The following SNTG1 variants were observed in gnomAD, a reference collection of about 807,000 sequenced individuals.
The protein encoded by SNTG1 is syntrophin gamma 1, also known as gamma-1-syntrophin.
In SNTG1, 39 loss-of-function variants were observed where a neutral mutation model predicts 74.7. The observed-to-expected ratio is 0.52, with a 90% CI of 0.40 to 0.68. The LOEUF is 0.68. Ranked by LOEUF, SNTG1 falls within the 30% of genes least tolerant of loss-of-function variation. SNTG1 has a pLI of 0.00. For missense variants in SNTG1, 685 were observed against 609.5 expected (o/e 1.12, Z -1.30); for synonymous variants, 254 against 217.1 (o/e 1.17, Z -1.49).
At chr8:50,019,889 C>G (rs1210690926) in intron 1 of SNTG1, among the ~76,000 whole-genome samples, 2 of 152,042 alleles carry the variant, frequency 1.3e-5, no homozygotes, top group Non-Finnish European at 2.9e-5. Context: ...TAAGAGTGTC[C>G]TCTAAACAGA....
intron 1 of SNTG1, among the ~76,000 whole-genome samples, chr8:50,057,443 A>G (rs13261225): frequency 6.6e-6 from 1 of 151,788 alleles, no homozygotes; most frequent in Non-Finnish European, 1.5e-5. Flanking sequence ...CATCTTTCTA[A>G]CTTTATTTGA....
chr8:50,737,164 G>C (rs149343038), intron 17 of SNTG1, among the ~76,000 whole-genome samples: 24 of 151,002 alleles, frequency 1.6e-4, no homozygotes, highest in African/African-American at 5.3e-4. Context: ...ACCACTAGCC[G>C]GACTAATAAA....
At chr8:50,724,968 G>A (rs770996013) in intron 17 of SNTG1, among the ~76,000 whole-genome samples, 29 of 152,072 alleles carry the variant, frequency 1.9e-4, no homozygotes, top group Non-Finnish European at 3.4e-4. Flanking sequence ...AGCATTAATA[G>A]AAAGAAGACA....
At chr8:49,941,506 A>C (rs1008814926) in intron 1 of SNTG1, among the ~76,000 whole-genome samples, 7 of 147,994 alleles carry the variant, frequency 4.7e-5, no homozygotes, top group Non-Finnish European at 1.0e-4. Flanking sequence ...ATTTATATTT[A>C]TATATTATAT....
At chr8:50,716,738 T>TC in intron 17 of SNTG1, among the ~76,000 whole-genome samples, 1 of 151,638 alleles carries the variant, frequency 6.6e-6, no homozygotes, top group African/African-American at 2.4e-5. Context: ...TTATTCTTTT[T>TC]TTTTTTCTTT....
intron 12 of SNTG1, among the ~76,000 whole-genome samples, chr8:50,555,846 A>G (rs1424869493): frequency 1.3e-5 from 2 of 152,182 alleles, no homozygotes; most frequent in African/African-American, 4.8e-5. Context: ...CTTTTTAATG[A>G]TGAATCACAT....
chr8:50,152,090 G>A (rs568556253), intron 1 of SNTG1, among the ~76,000 whole-genome samples: 1 of 152,272 alleles, frequency 6.6e-6, no homozygotes, highest in African/African-American at 2.4e-5. Context: ...GAAACTGGGT[G>A]CTCCTGTATT....
intron 1 of SNTG1, among the ~76,000 whole-genome samples, chr8:50,152,134 C>T (rs547423617): frequency 1.3e-5 from 2 of 152,088 alleles, no homozygotes; most frequent in East Asian, 1.9e-4. Context: ...CTCTTCTTGT[C>T]GAATTTCTCC....
intron 2 of SNTG1, among the ~76,000 whole-genome samples, chr8:50,264,972 G>C (rs1338973330): frequency 6.6e-6 from 1 of 152,018 alleles, no homozygotes; most frequent in East Asian, 1.9e-4. Context: ...ATAATAAAGA[G>C]TTGAACCAAT....
chr8:50,468,489 A>G (rs945036684), intron 8 of SNTG1, among the ~76,000 whole-genome samples: 11 of 152,232 alleles, frequency 7.2e-5, no homozygotes, highest in African/African-American at 2.4e-4. Context: ...TTAGCAAAGT[A>G]TATTTTTCTC....
chr8:50,376,756 T>TATATATAGAGAGAGAG (rs1381048539), intron 2 of SNTG1, among the ~76,000 whole-genome samples: 940 of 89,750 alleles, frequency 0.01, 7 homozygotes, highest in Non-Finnish European at 0.016. Flanking sequence ...TATATATATA[T>TATATATAGAGAGAGAG]AGAGAGAGAG....
At chr8:50,770,500 T>A (rs990091357) in intron 18 of SNTG1, among the ~76,000 whole-genome samples, 1 of 152,024 alleles carries the variant, frequency 6.6e-6, no homozygotes. Context: ...ACCCAGCACC[T>A]CAGAACCCAC....
chr8:49,934,320 T>TATC (rs1807862443), intron 1 of SNTG1, among the ~76,000 whole-genome samples: 1 of 150,884 alleles, frequency 6.6e-6, no homozygotes, highest in Non-Finnish European at 1.5e-5. Flanking sequence ...TCTATCTATC[T>TATC]ATCTATCTAT....
chr8:50,226,432 C>T (rs1455142520), intron 2 of SNTG1, among the ~76,000 whole-genome samples: 1 of 152,098 alleles, frequency 6.6e-6, no homozygotes, highest in Non-Finnish European at 1.5e-5. Flanking sequence ...CTTCCAGGCC[C>T]TCCCAGTCCT....
chr8:50,278,027 G>C (rs35583064), intron 2 of SNTG1, among the ~76,000 whole-genome samples: 16 of 151,844 alleles, frequency 1.1e-4, no homozygotes, highest in Non-Finnish European at 1.8e-4. Flanking sequence ...ACAAAAATTA[G>C]CCATGCTTGG....
intron 2 of SNTG1, among the ~76,000 whole-genome samples, chr8:50,211,560 A>T (rs2084522567): frequency 6.6e-6 from 1 of 152,116 alleles, no homozygotes; most frequent in Non-Finnish European, 1.5e-5. Context: ...TAGGATCAGT[A>T]TAAGAATTCT....
intron 8 of SNTG1, among the ~76,000 whole-genome samples, chr8:50,487,132 A>G (rs1191277924): frequency 2.0e-5 from 3 of 152,206 alleles, no homozygotes; most frequent in Admixed American, 2.0e-4. Context: ...TCAAAACCAC[A>G]GTGAGATACC....
At chr8:50,349,389 C>A (rs1262869202) in intron 2 of SNTG1, among the ~76,000 whole-genome samples, 1 of 151,936 alleles carries the variant, frequency 6.6e-6, no homozygotes, top group Non-Finnish European at 1.5e-5. Context: ...TTTAATTATA[C>A]TTTAAGTTCT....
intron 1 of SNTG1, among the ~76,000 whole-genome samples, chr8:49,952,514 G>T (rs536072045): frequency 3.8e-4 from 58 of 152,312 alleles, no homozygotes; most frequent in African/African-American, 1.3e-3. Flanking sequence ...TGGAGCTCAG[G>T]AATGAAGAAG....
Sources: allele counts gnomAD v4.1 joint callset (sites outside exome capture counted in the v4.1 genomes callset), GRCh38; gene constraint gnomAD v4.1.1; transcripts MANE v1.5; gene names NCBI Gene and HGNC (gene_info 2026-07-23, HGNC 2026-07-21).